The following NTMT1 variants were observed in gnomAD, a reference collection of about 807,000 sequenced individuals.
NTMT1 encodes the protein N-terminal RCC1 methyltransferase.
In NTMT1, 8 loss-of-function variants were observed where a neutral mutation model predicts 17.5. The observed-to-expected ratio is 0.46, with a 90% CI of 0.27 to 0.82. The LOEUF is 0.82. Ranked by LOEUF, NTMT1 falls within the 40% of genes least tolerant of loss-of-function variation. The pLI is 0.15. For synonymous variants in NTMT1, 128 were observed against 126.8 expected (o/e 1.01, Z -0.06); for missense variants, 221 against 303.5 (o/e 0.73, Z 2.02).
upstream of NTMT1, among the ~76,000 whole-genome samples, chr9:129,622,026 A>G (rs558819173): frequency 3.0e-4 from 45 of 152,156 alleles, no homozygotes; most frequent in African/African-American, 1.0e-3. Flanking sequence ...CCTGGGGACT[A>G]AGGGTGGGGC....
At chr9:129,634,598 A>T (rs1831405150) in intron 3 of NTMT1, 1 of 354,232 alleles carries the variant, frequency 2.8e-6, no homozygotes, top group African/African-American at 2.1e-5. Flanking sequence ...ACTGCATTCA[A>T]AGTGAGGAGT....
chr9:129,635,603 T>C lies in NTMT1; in HGVS notation c.*139T>C, dbSNP rs1831506849. 2.8e-6 allele frequency: 3 copies of C among 1,088,632 alleles called. No individual in the cohort carries two copies. The highest frequency in any genetic ancestry group is 1.6e-5 in the African/African-American group (1 of 63,684). 67.4% of individuals were successfully genotyped at this position (1,088,632 alleles called of 1,614,324 possible). A position where few individuals can be genotyped will look rare whatever the true frequency, so the allele number is the denominator to read the frequency against. On this transcript the variant is annotated 3_prime_UTR_variant, in exon 4 of 4. Transcript: ENST00000372483. Reference sequence around the variant, plus strand: ...ATAGCTGTCTGCCGTCCACTCATTATGCGGGCTCTTCTTCAAAAGGCAAGG... The same window carrying C: ...ATAGCTGTCTGCCGTCCACTCATTACGCGGGCTCTTCTTCAAAAGGCAAGG...
chr9:129,611,258 C>G (rs1185611660), intron 1 of NTMT1, among the ~76,000 whole-genome samples: 1 of 152,194 alleles, frequency 6.6e-6, no homozygotes, highest in Non-Finnish European at 1.5e-5. Context: ...GCGAGAAAGA[C>G]CCGGATCCTG....
chr9:129,613,146 G>A lies in NTMT1; in HGVS notation c.-55+3968G>A. 1 of 1,613,862 alleles carries A rather than the reference G, an allele frequency of 6.2e-7. No homozygotes were observed. The highest frequency in any genetic ancestry group is 1.7e-4 in the Middle Eastern group (1 of 6,060). On this transcript the variant is annotated intron_variant, in intron 1 of 3. Coordinates refer to the NTMT1 transcript ENST00000372486. This position sits in a 1 kb window ranked among gnomAD's most constrained non-coding sequence, Gnocchi z 6.2. ...TGTGCGGGTCCAAGAAGGCTCGGAGGCTGCTTCGCGGCCTCTGAGCAGCGG... is the reference window on the plus strand; with the variant it reads ...TGTGCGGGTCCAAGAAGGCTCGGAGACTGCTTCGCGGCCTCTGAGCAGCGG...
chr9:129,623,828 CTTT>C (rs11375035), upstream of NTMT1, among the ~76,000 whole-genome samples: 2 of 130,638 alleles, frequency 1.5e-5, no homozygotes, highest in Non-Finnish European at 1.5e-5. Flanking sequence ...CTTTTCTTTT[CTTT>C]TTTTTTTTTT....
chr9:129,633,068 G>T (rs1454059895), intron 2 of NTMT1: 1 of 544,466 alleles, frequency 1.8e-6, no homozygotes, highest in Non-Finnish European at 3.2e-6. Context: ...AGGGTTACCA[G>T]ACAGGAGCTG....
intron 1 of NTMT1, among the ~76,000 whole-genome samples, chr9:129,632,376 G>A (rs1480283427): frequency 6.6e-6 from 1 of 152,148 alleles, no homozygotes; most frequent in Non-Finnish European, 1.5e-5. Context: ...CTCGGGAGTT[G>A]GAGGCTGCAT....
Position 129,634,362 on chromosome 9 carries a change from C to G in NTMT1, c.415+56C>G, listed in dbSNP as rs1485446625. On this transcript the variant is annotated intron_variant, in intron 3 of 3. Transcript: ENST00000372483. ...CTGTATGTCTCCTGCCACTCGCGTTCCCCATAAGGTGTCAGGACCAGGGCT... is the reference window on the plus strand; with the variant it reads ...CTGTATGTCTCCTGCCACTCGCGTTGCCCATAAGGTGTCAGGACCAGGGCT... 3 of 1,538,700 alleles carry G rather than the reference C, an allele frequency of 1.9e-6. No individual in the cohort carries two copies. The African/African-American group carries it at 4.1e-5, about 21-fold the overall frequency.
At chr9:129,623,281 G>A (rs1012065894), upstream of NTMT1, among the ~76,000 whole-genome samples, 10 of 148,894 alleles carry the variant, frequency 6.7e-5, no homozygotes, top group African/African-American at 2.5e-4. Context: ...TGCAGTGAGC[G>A]GAGATCGCGC....
chr9:129,633,063 T>G, intron 2 of NTMT1, 198 bp downstream of exon 2: 1 of 545,760 alleles, frequency 1.8e-6, no homozygotes, highest in Non-Finnish European at 3.2e-6. Context: ...GCCTCAGGGT[T>G]ACCAGACAGG....
At chr9:129,623,336 A>AT (rs1398031223), upstream of NTMT1, among the ~76,000 whole-genome samples, 2 of 11,770 alleles carry the variant, frequency 1.7e-4, no homozygotes, top group African/African-American at 5.2e-4. Flanking sequence ...CCATCTCAAA[A>AT]AAAAAAAAAG....
chr9:129,624,949 G>A (rs955164038), upstream of NTMT1, among the ~76,000 whole-genome samples: 1 of 152,154 alleles, frequency 6.6e-6, no homozygotes, highest in Admixed American at 6.6e-5. Context: ...ATTATTAATA[G>A]TATAGGAAAA....
At position 129,635,378 on chromosome 9, in the gene NTMT1, A is replaced by G; in HGVS notation, c.586A>G (p.Ser196Gly). ...DLDVVRRIIC[S>G]AGLSLLAEER... is the part of the protein sequence containing the mutation. ...TGACGTGGTCCGCAGGATCATCTGC[A>G]GTGCAGGCCTCAGCCTCCTGGCCGA... Residue 196 changes from serine (S) to glycine (G), a missense_variant, in exon 4 of 4, where the codon AGT (serine) becomes GGT (glycine). By Grantham distance (56) the Ser-to-Gly change is moderately conservative. Coordinates refer to ENST00000372483, the MANE Select transcript of NTMT1 (RefSeq NM_014064.4). The G allele has an allele frequency of 6.2e-7, 1 of 1,613,772 alleles. No homozygotes were observed. The highest frequency in any genetic ancestry group is 8.5e-7 in the Non-Finnish European group (1 of 1,180,028).
At chr9:129,619,512 T>C (rs1830562991) in intron 1 of NTMT1, 1 of 1,600,606 alleles carries the variant, frequency 6.2e-7, no homozygotes, top group Non-Finnish European at 8.6e-7. Context: ...ATCCCGCCCA[T>C]CACTCACTGG....
chr9:129,612,264 G>T, intron 1 of NTMT1: 1 of 1,193,036 alleles, frequency 8.4e-7, no homozygotes, highest in Non-Finnish European at 1.2e-6. Flanking sequence ...AGCCACCTGG[G>T]ATGTGCCTTT....
chr9:129,626,621 A>T (rs1331892253), intron 1 of NTMT1: 1 of 152,306 alleles, frequency 6.6e-6, no homozygotes, highest in Non-Finnish European at 1.5e-5. Flanking sequence ...AGAAACAGGG[A>T]TATGGAGAGC....
rs1258410751 is a variant in NTMT1 at position 129,620,192 on chromosome 9, CG to C, written c.-55+11019del. On this transcript the variant is annotated intron_variant, in intron 1 of 3. Transcript: ENST00000372486. The surrounding 1 kb of genome is among the most constrained non-coding windows in gnomAD (Gnocchi z 5.8). ...GGGGTCCTCCCTGGCCACGCGCCTC[CG>C]GGGGCGCTCGCGCTCTCCAGGCCCT... The C allele has an allele frequency of 2.8e-6, 4 of 1,447,712 alleles. No individual in the cohort carries two copies. The highest frequency in any genetic ancestry group is 1.5e-5 in the South Asian group (1 of 68,912). 89.7% of individuals were successfully genotyped at this position (1,447,712 alleles called of 1,614,324 possible).
At chr9:129,621,051 C>T (rs770940269) in intron 1 of NTMT1, among the ~76,000 whole-genome samples, 21 of 152,266 alleles carry the variant, frequency 1.4e-4, no homozygotes, top group Non-Finnish European at 2.5e-4. Context: ...AATAGCAGCA[C>T]CTGCCTCTCT....
rs780139829 is a variant in NTMT1, at chr9:129,632,713, G to A, written c.10G>A (p.Glu4Lys). 6.8e-6 allele frequency: 11 copies of A among 1,613,954 alleles called. No individual in the cohort carries two copies. The highest frequency in any genetic ancestry group is 1.1e-5 in the South Asian group (1 of 91,066). ...CGTGGTTGGTGACAGCATGACGAGC[G>A]AGGTGATAGAAGACGAGAAGCAATT... The part of the protein sequence containing the change: MTS[E>K]VIEDEKQFYS... Residue 4 changes from glutamate (E) to lysine (K), a missense_variant, in exon 2 of 4, where the codon GAG (glutamate) becomes AAG (lysine). Physicochemically the swap from Glu to Lys is moderately conservative, Grantham distance 56. Coordinates refer to ENST00000372483, the MANE Select transcript of NTMT1 (RefSeq NM_014064.4).
Sources: gnomAD v4.1 joint callset for allele counts (sites outside exome capture counted in the v4.1 genomes callset) on GRCh38, gnomAD v4.1.1 for gene constraint, Gnocchi (gnomAD v3.1) non-coding constraint, MANE v1.5 for transcripts, NCBI Gene and HGNC (gene_info 2026-07-23, HGNC 2026-07-21) for gene names.